TMEM233: variants seen among roughly 807,000 people sequenced by gnomAD.
TMEM233 encodes transmembrane protein 233.
TMEM233 carries 6 observed loss-of-function variants against 11.2 expected under a neutral mutation model. That is an observed-to-expected ratio of 0.54 (90% confidence interval 0.29 to 1.06). TMEM233 has a LOEUF of 1.06. Among genes scored for constraint, TMEM233 ranks in the 50% least tolerant of loss-of-function variants. The probability of loss-of-function intolerance (pLI) is 0.08; values close to 1 mark genes in which losing one functional copy is unlikely to be tolerated. For synonymous variants in TMEM233, 59 were observed against 55.8 expected (o/e 1.06, Z -0.26); for missense variants, 127 against 144.7 (o/e 0.88, Z 0.63).
chr12:119,618,187 G>T lies in TMEM233; in HGVS notation c.187-11549G>T, dbSNP rs565673535. Among the ~76,000 whole-genome samples, 6 of 152,348 alleles carry T rather than the reference G, an allele frequency of 3.9e-5. No homozygotes were observed. In the South Asian group the frequency reaches 1.2e-3, roughly 32 times the overall value. ...CATGTGGTGTTAGTCCTGAGGGTGT[G>T]CAGAAGACAATAACTGAGGTTTGGG... On this transcript the variant is annotated intron_variant, in intron 1 of 2. Transcript: ENST00000426426.
At position 119,593,839 on chromosome 12, in the gene TMEM233, G is replaced by C; in HGVS notation, c.-10G>C. On this transcript the variant is annotated 5_prime_UTR_variant, in exon 1 of 3. Transcript: ENST00000426426. This position sits in a 1 kb window ranked among gnomAD's most constrained non-coding sequence, Gnocchi z 4.1. ...GCTCCTCCGCCCTCCCGGCGCCGCCGGCCTCGCCCATGTCTCAGTACGCCC... is the reference window on the plus strand; with the variant it reads ...GCTCCTCCGCCCTCCCGGCGCCGCCCGCCTCGCCCATGTCTCAGTACGCCC... The C allele has an allele frequency of 6.5e-7, 1 of 1,549,668 alleles. No homozygotes were observed. The highest frequency in any genetic ancestry group is 8.7e-7 in the Non-Finnish European group (1 of 1,145,644).
At chr12:119,610,449 A>G (rs927052187) in intron 1 of TMEM233, among the ~76,000 whole-genome samples, 6 of 152,146 alleles carry the variant, frequency 3.9e-5, no homozygotes, top group Admixed American at 6.5e-5. Context: ...GGGAGGGGCC[A>G]TGGATGGAAT....
intron 1 of TMEM233, among the ~76,000 whole-genome samples, chr12:119,623,304 A>G (rs1954683152): frequency 6.6e-6 from 1 of 152,202 alleles, no homozygotes. Context: ...CATCATAGCT[A>G]TCATCTCAGA....
chr12:119,602,282 G>A (rs1954184403), intron 1 of TMEM233, among the ~76,000 whole-genome samples: 1 of 152,158 alleles, frequency 6.6e-6, no homozygotes, highest in African/African-American at 2.4e-5. Flanking sequence ...GAAATAACAG[G>A]TCTTGGTGCA....
At chr12:119,650,015 G>A in the TMEM233 span, among the ~76,000 whole-genome samples, 6 of 151,914 alleles carry the variant, frequency 3.9e-5, no homozygotes, top group Non-Finnish European at 5.9e-5. Context: ...AAAATTAGCC[G>A]GGCGCGGTGG....
At chr12:119,632,657 A>G (rs1474370945) in intron 2 of TMEM233, among the ~76,000 whole-genome samples, 2 of 152,194 alleles carry the variant, frequency 1.3e-5, no homozygotes, top group African/African-American at 4.8e-5. Context: ...TAAAGGAAGC[A>G]GCCACCACTC....
chr12:119,619,590 A>G (rs141905105), intron 1 of TMEM233, among the ~76,000 whole-genome samples: 2 of 151,966 alleles, frequency 1.3e-5, no homozygotes, highest in Non-Finnish European at 2.9e-5. Context: ...GCAGTGAGCC[A>G]AGATCATGCC....
chr12:119,619,446 GC>G (rs1566105778), intron 1 of TMEM233, among the ~76,000 whole-genome samples: 2 of 152,098 alleles, frequency 1.3e-5, no homozygotes, highest in African/African-American at 4.8e-5. Flanking sequence ...TTCAAGACCA[GC>G]CTGGGCAACA....
At chr12:119,602,859 G>A (rs10849675) in intron 1 of TMEM233, among the ~76,000 whole-genome samples, 56,466 of 152,042 alleles carry the variant, frequency 0.37, 11,568 homozygotes, top group African/African-American at 0.52. Flanking sequence ...AAACAAGATT[G>A]GCCACTAATG....
At chr12:119,606,197 T>C (rs1226716550) in intron 1 of TMEM233, among the ~76,000 whole-genome samples, 1 of 152,202 alleles carries the variant, frequency 6.6e-6, no homozygotes, top group African/African-American at 2.4e-5. Flanking sequence ...TAAAACAATA[T>C]TGATCTACTT....
rs1300521290 is a variant in TMEM233, at chr12:119,628,523, G to A, written c.187-1213G>A. ...TTTTTTTTTTTTTTTTTTTTGAGAT[G>A]GAGTCTTGCTCAGTCGCCCAGGCTG... is the stretch of plus-strand genomic sequence containing the variant. On this transcript the variant is annotated intron_variant, in intron 1 of 2. Coordinates refer to ENST00000426426, the MANE Select transcript of TMEM233 (RefSeq NM_001136534.3). 2.4e-5 allele frequency among the ~76,000 whole-genome samples: 3 copies of A among 122,550 alleles called. No individual in the cohort carries two copies. In the Admixed American group the frequency reaches 2.7e-4, roughly 11 times the overall value. 80.4% of individuals were successfully genotyped at this position (122,550 alleles called of 152,430 possible).
At chr12:119,607,778 C>T (rs1353147999) in intron 1 of TMEM233, among the ~76,000 whole-genome samples, 2 of 152,090 alleles carry the variant, frequency 1.3e-5, no homozygotes, top group Non-Finnish European at 2.9e-5. Flanking sequence ...CCACACCCGA[C>T]TAATCTTTGT....
At position 119,594,217 on chromosome 12, in the gene TMEM233, C is replaced by A; in HGVS notation, c.186+183C>A. On this transcript the variant is annotated intron_variant, in intron 1 of 2. Coordinates refer to ENST00000426426, the MANE Select transcript of TMEM233 (RefSeq NM_001136534.3). This position sits in a 1 kb window ranked among gnomAD's most constrained non-coding sequence, Gnocchi z 5.6. ...CTCTCAGAGCTCTCCCCGCAATCAT[C>A]AGCACCTCCTCTGCACTCCTCGTGG... The A allele has an allele frequency of 1.6e-6, 1 of 622,776 alleles. No individual in the cohort carries two copies. The highest frequency in any genetic ancestry group is 2.0e-5 in the South Asian group (1 of 50,948). The allele number at this position is 622,776 out of a possible 1,614,324, so 38.6% of individuals were successfully genotyped here.
chr12:119,631,781 T>C (rs1402340391), intron 2 of TMEM233: 1 of 388,984 alleles, frequency 2.6e-6, no homozygotes, highest in Non-Finnish European at 3.5e-6. Context: ...TGAACCTCAG[T>C]TTCCTCACCT....
intron 2 of TMEM233, among the ~76,000 whole-genome samples, chr12:119,640,279 C>T (rs915659284): frequency 2.6e-5 from 4 of 152,132 alleles, no homozygotes; most frequent in South Asian, 2.1e-4. Flanking sequence ...CTCAGCCTCC[C>T]AAGTAGCTGG....
chr12:119,615,645 A>G lies in TMEM233; in HGVS notation c.187-14091A>G, dbSNP rs146420645. 3.9e-3 allele frequency among the ~76,000 whole-genome samples: 596 copies of G among 152,302 alleles called. 1 individual carries two copies. The highest frequency in any genetic ancestry group is 5.8e-3 in the Non-Finnish European group (396 of 68,034). ...TCATCTCCGGTCTTCACTGGCAGCA[A>G]TCCCATAGGTACTGCTGTCTCATCC... On this transcript the variant is annotated intron_variant, in intron 1 of 2. Transcript: ENST00000426426.
At chr12:119,617,414 A>T (rs1045577423) in intron 1 of TMEM233, among the ~76,000 whole-genome samples, 1 of 152,226 alleles carries the variant, frequency 6.6e-6, no homozygotes, top group Non-Finnish European at 1.5e-5. Flanking sequence ...CCAGAGATCT[A>T]TGGAACATTG....
chr12:119,636,442 G>A (rs898832169), intron 2 of TMEM233, among the ~76,000 whole-genome samples: 1 of 152,016 alleles, frequency 6.6e-6, no homozygotes, highest in East Asian at 1.9e-4. Context: ...CTGCTTCCCT[G>A]GAAAGTTTAC....
At chr12:119,612,716 A>C (rs1422524118) in intron 1 of TMEM233, among the ~76,000 whole-genome samples, 8 of 145,730 alleles carry the variant, frequency 5.5e-5, no homozygotes, top group Non-Finnish European at 7.5e-5. Flanking sequence ...ACGCCACTGC[A>C]CTCCAGCCTG....
Sources: gnomAD v4.1 joint callset for allele counts (sites outside exome capture counted in the v4.1 genomes callset) on GRCh38, gnomAD v4.1.1 for gene constraint, Gnocchi (gnomAD v3.1) non-coding constraint, MANE v1.5 for transcripts, NCBI Gene and HGNC (gene_info 2026-07-23, HGNC 2026-07-21) for gene names.